The following DTNA variants were observed in gnomAD, a reference collection of about 807,000 sequenced individuals.
DTNA encodes the protein dystrobrevin alpha, also known as dystrophin-related protein 3.
DTNA carries 43 observed loss-of-function variants against 100.7 expected under a neutral mutation model. That is an observed-to-expected ratio of 0.43 (90% CI 0.33 to 0.55). The LOEUF (loss-of-function observed/expected upper bound fraction) is 0.55. Ranked by LOEUF, DTNA falls within the 20% of genes least tolerant of loss-of-function variation. DTNA has a pLI of 0.04. For missense variants in DTNA, 798 were observed against 953.9 expected, an observed-to-expected ratio of 0.84 and a Z score of 2.15; for synonymous variants, 349 against 347.9, an observed-to-expected ratio of 1.00 and a Z score of -0.04.
intron 9 of DTNA, chr18:34,825,209 T>C (rs1206534778): frequency 2.5e-6 from 4 of 1,610,366 alleles, no homozygotes; most frequent in Non-Finnish European, 2.5e-6. Flanking sequence ...ATTGTATTGC[T>C]TGTAAATATT....
intron 13 of DTNA, among the ~76,000 whole-genome samples, chr18:34,842,076 C>T (rs2096278608): frequency 2.0e-5 from 3 of 152,066 alleles, no homozygotes; most frequent in Non-Finnish European, 2.9e-5. Flanking sequence ...AAATGTGATA[C>T]AGTGTGGGCT....
intron 9 of DTNA, among the ~76,000 whole-genome samples, chr18:34,823,624 C>G (rs1358405359): frequency 1.3e-5 from 2 of 152,202 alleles, no homozygotes; most frequent in African/African-American, 4.8e-5. Flanking sequence ...TTCCTTAGAA[C>G]TATACATAGC....
chr18:34,858,314 G>A lies in DTNA; in HGVS notation c.1562G>A (p.Arg521Gln), dbSNP rs530066221. The change falls in exon 16 of 23, where the codon CGG becomes CAG. Residue 521 changes from arginine to glutamine, a missense_variant. Physicochemically the swap from Arg to Gln is conservative, Grantham distance 43 (BLOSUM62 1). Transcript: ENST00000444659. ...REILQEIQRL[R>Q]LEHEQASQPT... ...ATCTTACAGGAGATCCAGAGACTTC[G>A]GCTAGAGCATGAACAAGCTTCTCAG... 2.0e-5 allele frequency: 33 copies of A among 1,614,040 alleles called. No homozygotes were observed. The Admixed American group carries it at 3.3e-4, about 16-fold the overall frequency.
intron 1 of DTNA, among the ~76,000 whole-genome samples, chr18:34,651,833 G>A (rs986308470): frequency 2.0e-5 from 3 of 152,114 alleles, no homozygotes; most frequent in African/African-American, 7.2e-5. Flanking sequence ...GGAGGCCGAG[G>A]TGGGAAGATT....
chr18:34,668,603 T>A (rs566641636), intron 1 of DTNA, among the ~76,000 whole-genome samples: 3 of 152,262 alleles, frequency 2.0e-5, no homozygotes, highest in Admixed American at 2.0e-4. Context: ...TTATATGTGT[T>A]CCAGAGATTC....
chr18:34,633,795 T>C (rs2058354397), intron 1 of DTNA, among the ~76,000 whole-genome samples: 2 of 152,120 alleles, frequency 1.3e-5, no homozygotes, highest in South Asian at 2.1e-4. Context: ...GTCTCCTGAG[T>C]TTCCAGCCTA....
intron 1 of DTNA, among the ~76,000 whole-genome samples, chr18:34,545,976 A>G (rs1181141335): frequency 6.6e-6 from 1 of 152,110 alleles, no homozygotes; most frequent in East Asian, 1.9e-4. Flanking sequence ...ACGTTTGTTC[A>G]GAGATCATTC....
At chr18:34,501,623 G>C (rs2039935150) in intron 1 of DTNA, among the ~76,000 whole-genome samples, 1 of 151,924 alleles carries the variant, frequency 6.6e-6, no homozygotes, top group African/African-American at 2.4e-5. Context: ...TTTGTTTTTA[G>C]TTACGGGACT....
At chr18:34,679,201 C>A (rs76090910) in intron 1 of DTNA, among the ~76,000 whole-genome samples, 5,442 of 152,248 alleles carry the variant, frequency 0.036, 311 homozygotes, top group African/African-American at 0.12. Flanking sequence ...CATTAACCAG[C>A]TTTTAAATCT....
intron 1 of DTNA, among the ~76,000 whole-genome samples, chr18:34,615,471 T>A (rs1049319983): frequency 2.6e-5 from 4 of 152,178 alleles, no homozygotes; most frequent in African/African-American, 9.7e-5. Flanking sequence ...AGTCAGCAGA[T>A]ATCAGCAACA....
At chr18:34,608,887 C>T (rs2053649534) in intron 1 of DTNA, among the ~76,000 whole-genome samples, 1 of 152,188 alleles carries the variant, frequency 6.6e-6, no homozygotes, top group Non-Finnish European at 1.5e-5. Flanking sequence ...TCTCTAAGTG[C>T]TATTGTATAT....
chr18:34,743,319 T>G (rs1253932093), intron 1 of DTNA, among the ~76,000 whole-genome samples: 1 of 152,170 alleles, frequency 6.6e-6, no homozygotes, highest in East Asian at 1.9e-4. Flanking sequence ...GCCTATTTAG[T>G]TTTGGCATCT....
chr18:34,689,792 A>G (rs533863574), intron 1 of DTNA, among the ~76,000 whole-genome samples: 3 of 152,240 alleles, frequency 2.0e-5, no homozygotes, highest in African/African-American at 7.2e-5. Context: ...TGGGAGTTTT[A>G]TCTATAAGCC....
intron 11 of DTNA, among the ~76,000 whole-genome samples, chr18:34,836,647 CAA>C (rs749690995): frequency 2.5e-4 from 13 of 51,674 alleles, no homozygotes; most frequent in Non-Finnish European, 2.2e-4. Context: ...GACTCTGTCT[CAA>C]AAAAAAAAAA....
At chr18:34,649,973 A>T (rs541776408) in intron 1 of DTNA, among the ~76,000 whole-genome samples, 1 of 152,260 alleles carries the variant, frequency 6.6e-6, no homozygotes, top group African/African-American at 2.4e-5. Flanking sequence ...TTTGCCTTCA[A>T]ATTCCAAGCT....
At chr18:34,815,215 A>G (rs1019303791) in intron 6 of DTNA, among the ~76,000 whole-genome samples, 1 of 152,178 alleles carries the variant, frequency 6.6e-6, no homozygotes, top group African/African-American at 2.4e-5. Context: ...TTTTATTTAT[A>G]CCATTACAGT....
rs766763071 is a variant in DTNA at position 34,889,148 on chromosome 18, C to T, written c.*1414C>T. 162 of 985,204 alleles carry T rather than the reference C, an allele frequency of 1.6e-4. No individual in the cohort carries two copies. The highest frequency in any genetic ancestry group is 1.7e-4 in the Non-Finnish European group (144 of 829,902). 61.0% of individuals were successfully genotyped at this position (985,204 alleles called of 1,614,324 possible). Reference sequence around the variant, plus strand: ...GATTTGATTTTTTTAAAAAAGCCTGCGACCTATTCAATACATTATGCTTAA... The same window carrying T: ...GATTTGATTTTTTTAAAAAAGCCTGTGACCTATTCAATACATTATGCTTAA... On this transcript the variant is annotated 3_prime_UTR_variant, in exon 23 of 23. Coordinates refer to ENST00000444659, the MANE Select transcript of DTNA (RefSeq NM_001386795.1).
chr18:34,733,028 C>A (rs147697012), intron 1 of DTNA, among the ~76,000 whole-genome samples: 1 of 152,168 alleles, frequency 6.6e-6, no homozygotes, highest in Non-Finnish European at 1.5e-5. Flanking sequence ...GTTTTGGGTC[C>A]CCTGCAATCA....
intron 1 of DTNA, among the ~76,000 whole-genome samples, chr18:34,710,926 T>C (rs2082779514): frequency 6.6e-6 from 1 of 152,128 alleles, no homozygotes; most frequent in Non-Finnish European, 1.5e-5. Context: ...GTGTGTTTAT[T>C]GTATGTGAGC....
Sources: gnomAD v4.1 joint callset for allele counts (sites outside exome capture counted in the v4.1 genomes callset) on GRCh38, gnomAD v4.1.1 for gene constraint, MANE v1.5 for transcripts, NCBI Gene and HGNC (gene_info 2026-07-23, HGNC 2026-07-21) for gene names.